CYTH1: variants seen among roughly 807,000 people sequenced by gnomAD.
The protein encoded by CYTH1 is cytohesin-1.
Under a neutral mutation model 61.8 loss-of-function variants are expected in CYTH1, and 18 were observed. The ratio of observed to expected loss-of-function variants is 0.29; its 90% CI spans 0.20 to 0.43. The LOEUF is 0.43. Among genes scored for constraint, CYTH1 ranks in the 20% least tolerant of loss-of-function variants. CYTH1 has a pLI of 1.00. For missense variants in CYTH1, 336 were observed against 510.5 expected (o/e 0.66, Z 3.29); for synonymous variants, 174 against 184.3 (o/e 0.94, Z 0.45).
At chr17:78,725,148 T>C (rs1007905683) in intron 1 of CYTH1, among the ~76,000 whole-genome samples, 8 of 152,132 alleles carry the variant, frequency 5.3e-5, no homozygotes, top group African/African-American at 1.9e-4. Flanking sequence ...CTCAGTTACA[T>C]CTCTTTGCTT....
rs56135418 is a variant in CYTH1 at position 78,760,545 on chromosome 17, G to A, written c.22+21657C>T. Among the ~76,000 whole-genome samples the A allele has an allele frequency of 6.0e-4, 19 of 31,666 alleles. 1 individual carries two copies. Among genetic ancestry groups the A allele is most frequent in the East Asian group, 3.5e-3 (5 of 1,432 alleles). The allele number at this position is 31,666 out of a possible 152,430, so 20.8% of individuals were successfully genotyped here. A position where few individuals can be genotyped will look rare whatever the true frequency, so the allele number is the denominator to read the frequency against. On this transcript the variant is annotated intron_variant, in intron 1 of 13. Coordinates refer to ENST00000446868, the MANE Select transcript of CYTH1 (RefSeq NM_004762.6). ...TATATATATATACATACATATATAT[G>A]TATATATATATGTATATATATATAC...
At chr17:78,760,442 T>C (rs1356562274) in intron 1 of CYTH1, among the ~76,000 whole-genome samples, 4 of 56,146 alleles carry the variant, frequency 7.1e-5, no homozygotes, top group African/African-American at 3.2e-4. Flanking sequence ...CATATATATA[T>C]GTATATATAT....
intron 1 of CYTH1, among the ~76,000 whole-genome samples, chr17:78,750,288 G>C (rs985175481): frequency 6.6e-6 from 1 of 152,170 alleles, no homozygotes; most frequent in Non-Finnish European, 1.5e-5. Flanking sequence ...CAAAACATTT[G>C]ATGGGAACAC....
chr17:78,734,389 C>T (rs1002790336), intron 1 of CYTH1, among the ~76,000 whole-genome samples: 3 of 70,840 alleles, frequency 4.2e-5, no homozygotes, highest in East Asian at 4.7e-4. Context: ...TGAAAACTGA[C>T]GAATGTATGT....
intron 1 of CYTH1, among the ~76,000 whole-genome samples, chr17:78,728,245 T>A (rs1170809418): frequency 6.6e-6 from 1 of 152,226 alleles, no homozygotes; most frequent in Non-Finnish European, 1.5e-5. Context: ...TACACCACGA[T>A]GTTTAAAAAC....
In CYTH1 at chr17:78,751,514, G is replaced by A. The variant is rs78393362; in HGVS notation, c.22+30688C>T. On this transcript the variant is annotated intron_variant, in intron 1 of 13. Coordinates refer to ENST00000446868, the MANE Select transcript of CYTH1 (RefSeq NM_004762.6). The stretch of plus-strand genomic sequence containing the variant: ...GTAATGCTAAATAGACCACATAAAG[G>A]TCATTTGTTTACAGTATGAGGGCTG... Among the ~76,000 whole-genome samples, 1,330 of 152,032 alleles carry A rather than the reference G, an allele frequency of 8.7e-3. 23 individuals are homozygous for A. The highest frequency in any genetic ancestry group is 0.03 in the African/African-American group (1,235 of 41,430).
At chr17:78,696,150 G>T in intron 9 of CYTH1, 141 bp from the exon 10 acceptor site, 1 of 1,221,102 alleles carries the variant, frequency 8.2e-7, no homozygotes, top group Non-Finnish European at 1.1e-6. Flanking sequence ...TGCCTGCCTG[G>T]GGAGAGAGCT....
Position 78,782,270 on chromosome 17 carries a change from CCG to C in CYTH1, c.-49_-48del. The C allele has an allele frequency of 8.5e-7, 1 of 1,180,484 alleles. No individual in the cohort carries two copies. Among genetic ancestry groups the C allele is most frequent in the Non-Finnish European group, 1.1e-6 (1 of 946,894 alleles). The allele number at this position is 1,180,484 out of a possible 1,614,324, so 73.1% of individuals were successfully genotyped here. A position where few individuals can be genotyped will look rare whatever the true frequency, so the allele number is the denominator to read the frequency against. ...GCTCCGGCTCGCCGCTCGCGTCCCG[CCG>C]CGCCACCCGCGCCCCCGCTCGCCTC... is the stretch of plus-strand genomic sequence containing the variant. On this transcript the variant is annotated 5_prime_UTR_variant, in exon 1 of 14. Coordinates refer to ENST00000446868, the MANE Select transcript of CYTH1 (RefSeq NM_004762.6).
At chr17:78,683,560 G>A (rs1230369441) in intron 11 of CYTH1, among the ~76,000 whole-genome samples, 1 of 152,226 alleles carries the variant, frequency 6.6e-6, no homozygotes, top group Non-Finnish European at 1.5e-5. Context: ...TCTGAGAGCT[G>A]AGTGAGGAGA....
chr17:78,690,250 C>G lies in CYTH1; in HGVS notation c.891+2167G>C, dbSNP rs569626788. On this transcript the variant is annotated intron_variant, in intron 11 of 13. Transcript: ENST00000446868. The stretch of plus-strand genomic sequence containing the variant: ...CTCTACTAAAAATACAAAAAATTAG[C>G]TGGGCGTGGCAGCAGCGCCTGTAGT... Among the ~76,000 whole-genome samples, 4 of 151,610 alleles carry G rather than the reference C, an allele frequency of 2.6e-5. No individual in the cohort carries two copies. The East Asian group carries it at 7.8e-4, about 29-fold the overall frequency.
intron 1 of CYTH1, among the ~76,000 whole-genome samples, chr17:78,762,013 T>C (rs925976952): frequency 6.6e-6 from 1 of 152,244 alleles, no homozygotes; most frequent in East Asian, 1.9e-4. Flanking sequence ...GTGTCCATCA[T>C]GTGACATGGG....
chr17:78,779,157 T>G (rs2093505929), intron 1 of CYTH1, among the ~76,000 whole-genome samples: 1 of 151,870 alleles, frequency 6.6e-6, no homozygotes, highest in Non-Finnish European at 1.5e-5. Flanking sequence ...TCCCAGCACT[T>G]TGGGAGGCTT....
intron 1 of CYTH1, among the ~76,000 whole-genome samples, chr17:78,769,836 G>C (rs182599365): frequency 2.6e-3 from 391 of 152,230 alleles, no homozygotes; most frequent in Middle Eastern, 0.017. Context: ...GGCCAACATA[G>C]TGAAACTCCG....
intron 11 of CYTH1, among the ~76,000 whole-genome samples, chr17:78,681,968 C>T (rs7216236): frequency 0.011 from 1,619 of 152,266 alleles, 27 homozygotes; most frequent in African/African-American, 0.038. Flanking sequence ...GTCTTTACCT[C>T]TGTATCTCAC....
At chr17:78,778,632 C>A (rs2093503188) in intron 1 of CYTH1, among the ~76,000 whole-genome samples, 1 of 103,796 alleles carries the variant, frequency 9.6e-6, no homozygotes, top group Non-Finnish European at 1.8e-5. Context: ...AGTGAGACTC[C>A]ATCTCAAAAA....
chr17:78,701,008 T>C (rs1408663195), intron 6 of CYTH1, among the ~76,000 whole-genome samples: 1 of 152,088 alleles, frequency 6.6e-6, no homozygotes, highest in Non-Finnish European at 1.5e-5. Context: ...TGAGGAGTGG[T>C]TTCCCTCCTC....
intron 1 of CYTH1, among the ~76,000 whole-genome samples, chr17:78,774,509 T>G (rs539834313): frequency 6.6e-6 from 1 of 152,170 alleles, no homozygotes; most frequent in East Asian, 1.9e-4. Flanking sequence ...TCACCACATA[T>G]TAACTTTTTA....
At chr17:78,688,507 T>C (rs1598825872) in intron 11 of CYTH1, among the ~76,000 whole-genome samples, 1 of 152,344 alleles carries the variant, frequency 6.6e-6, no homozygotes, top group Non-Finnish European at 1.5e-5. Context: ...AAGAGCAACA[T>C]GTGCCACCTT....
In CYTH1 at chr17:78,685,406, C is replaced by G. The variant is rs1663734907; in HGVS notation, c.892-4364G>C. Among the ~76,000 whole-genome samples, 4 of 151,986 alleles carry G rather than the reference C, an allele frequency of 2.6e-5. No homozygotes were observed. The South Asian group carries it at 8.3e-4, about 32-fold the overall frequency. ...ATAACATTCATGGTACGTCCTGCAG[C>G]CACAATTTCTGGTTAATTAGTATTT... On this transcript the variant is annotated intron_variant, in intron 11 of 13. Coordinates refer to ENST00000446868, the MANE Select transcript of CYTH1 (RefSeq NM_004762.6).
Sources: allele counts gnomAD v4.1 joint callset (sites outside exome capture counted in the v4.1 genomes callset), GRCh38; gene constraint gnomAD v4.1.1; transcripts MANE v1.5; gene names NCBI Gene and HGNC (gene_info 2026-07-23, HGNC 2026-07-21).